The following ZNF91 variants were observed in gnomAD, a reference collection of about 807,000 sequenced individuals.
ZNF91 encodes the protein zinc finger protein 91 (HPF7, HTF10).
Under a neutral mutation model 12.6 loss-of-function variants are expected in ZNF91, and 7 were observed. The observed-to-expected ratio is 0.55, with a 90% CI of 0.31 to 1.04. ZNF91 has a LOEUF of 1.04. ZNF91 is among the 50% of genes least tolerant of loss of function. The pLI is 0.05. For synonymous variants in ZNF91, 453 were observed against 462.6 expected (o/e 0.98, Z 0.27); for missense variants, 1,217 against 1,385.4 (o/e 0.88, Z 1.93).
intron 3 of ZNF91, among the ~76,000 whole-genome samples, chr19:23,372,808 A>G (rs932884230): frequency 6.6e-6 from 1 of 152,220 alleles, no homozygotes; most frequent in African/African-American, 2.4e-5. Context: ...GGTTCTGCCT[A>G]TGTAGAAACC....
chr19:23,337,557 T>C (rs946361488), downstream of ZNF91, among the ~76,000 whole-genome samples: 2 of 149,332 alleles, frequency 1.3e-5, no homozygotes, highest in African/African-American at 4.9e-5. Flanking sequence ...GAAATCAATA[T>C]AAAGACACAT....
At chr19:23,324,188 C>T (rs1159071120) in intron 1 of ZNF91, 1 of 151,296 alleles carries the variant, frequency 6.6e-6, no homozygotes, top group African/African-American at 2.4e-5. Flanking sequence ...CCTTTTTTCT[C>T]CCTACTTCCT....
Position 23,360,433 on chromosome 19 carries a change from G to T in ZNF91, c.2546C>A (p.Ala849Asp). Residue 849 changes from alanine to aspartate, a missense_variant, in exon 4 of 4, where the codon GCT (alanine) becomes GAT (aspartate). Around this residue, in one of 2 missense-constraint regions of ZNF91, gnomAD observed 491 missense variants for 489.8 expected, o/e 1.00. Coordinates refer to ENST00000300619, the MANE Select transcript of ZNF91 (RefSeq NM_003430.4). Reference sequence around the variant, plus strand: ...CTCACATTTGTAGAGTTTCTCTCCAGCATGTATTATTTTATGTTTAGCAAG... The same window carrying T: ...CTCACATTTGTAGAGTTTCTCTCCATCATGTATTATTTTATGTTTAGCAAG... ...SALAKHKIIH[A>D]GEKLYKCEEC... 1 of 1,613,954 alleles carries T rather than the reference G, an allele frequency of 6.2e-7. No individual in the cohort carries two copies. Among genetic ancestry groups the T allele is most frequent in the East Asian group, 2.2e-5 (1 of 44,836 alleles).
At chr19:23,347,116 C>T (rs1180402456) in intron 3 of ZNF91, among the ~76,000 whole-genome samples, 17 of 151,928 alleles carry the variant, frequency 1.1e-4, no homozygotes, top group Admixed American at 1.1e-3. Context: ...TAGTGTCACC[C>T]CCCCTACACA....
At chr19:23,316,019 C>A (rs972972343) in intron 1 of ZNF91, among the ~76,000 whole-genome samples, 1 of 152,010 alleles carries the variant, frequency 6.6e-6, no homozygotes, top group East Asian at 1.9e-4. Context: ...GTAGGTGATG[C>A]GACTCTTCTG....
intron 1 of ZNF91, chr19:23,384,754 G>A (rs1969820651): frequency 1.6e-6 from 1 of 629,220 alleles, no homozygotes; most frequent in South Asian, 1.8e-5. Context: ...AGCACACCTG[G>A]GTCAGCTCCC....
intron 3 of ZNF91, among the ~76,000 whole-genome samples, chr19:23,345,340 T>C (rs1410598502): frequency 1.3e-5 from 2 of 152,182 alleles, no homozygotes; most frequent in South Asian, 2.1e-4. Context: ...AGTCAAGATA[T>C]CCGTGCCTTG....
intron 1 of ZNF91, among the ~76,000 whole-genome samples, chr19:23,391,527 T>G (rs952070427): frequency 6.6e-6 from 1 of 152,202 alleles, no homozygotes; most frequent in Non-Finnish European, 1.5e-5. Context: ...ATCTTTGCAA[T>G]CTTTAAAAAT....
intron 3 of ZNF91, among the ~76,000 whole-genome samples, chr19:23,363,398 G>A (rs1298778004): frequency 6.6e-6 from 1 of 152,196 alleles, no homozygotes; most frequent in Non-Finnish European, 1.5e-5. Flanking sequence ...CAGAGAGACT[G>A]CAGTACCACA....
At chr19:23,355,046 T>C (rs1238450744), downstream of ZNF91, among the ~76,000 whole-genome samples, 1 of 152,286 alleles carries the variant, frequency 6.6e-6, no homozygotes. Flanking sequence ...AAAAGCAATC[T>C]ATAAATTCAA....
chr19:23,336,503 G>C (rs549699383), downstream of ZNF91, among the ~76,000 whole-genome samples: 6 of 152,134 alleles, frequency 3.9e-5, no homozygotes, highest in East Asian at 1.9e-4. Context: ...TTGCCTGTTC[G>C]TTACTCTACA....
intron 3 of ZNF91, among the ~76,000 whole-genome samples, chr19:23,346,178 CTTATA>C (rs1378885923): frequency 6.6e-6 from 1 of 152,100 alleles, no homozygotes; most frequent in African/African-American, 2.4e-5. Flanking sequence ...GACCCTACCT[CTTATA>C]TTAGAGTTTC....
Position 23,357,928 on chromosome 19 carries a change from A to G in ZNF91, c.*1475T>C, listed in dbSNP as rs1968535543. Reference sequence around the variant, plus strand: ...CACATATGGCATAATATGTACACATATTAGGTATCCACAAAAATTAAGTCA... The same window carrying G: ...CACATATGGCATAATATGTACACATGTTAGGTATCCACAAAAATTAAGTCA... On this transcript the variant is annotated 3_prime_UTR_variant, in exon 4 of 4. Transcript: ENST00000300619. The G allele has an allele frequency of 6.6e-6, 1 of 152,202 alleles. No homozygotes were observed. The highest frequency in any genetic ancestry group is 1.9e-4 in the East Asian group (1 of 5,202). The allele number at this position is 152,202 out of a possible 1,614,324, so 9.4% of individuals were successfully genotyped here.
In ZNF91 at chr19:23,387,433, A is replaced by G. The variant is rs892704736; in HGVS notation, c.30+7892T>C. Among the ~76,000 whole-genome samples the G allele has an allele frequency of 2.6e-5, 4 of 152,242 alleles. 1 individual carries two copies. The highest frequency in any genetic ancestry group is 2.0e-4 in the Admixed American group (3 of 15,284). On this transcript the variant is annotated intron_variant, in intron 1 of 3. Coordinates refer to ENST00000300619, the MANE Select transcript of ZNF91 (RefSeq NM_003430.4). ...GTAGACTGAATAAAGAAAATATGGT[A>G]TGATCAGGCACAATGGCTCATGCCT...
chr19:23,359,968 C>T lies in ZNF91; in HGVS notation c.3011G>A (p.Ser1004Asn). ...ATGTCTAGTTAGGGTTGAGGATTGGCTAAATGCTTTGCCACATTCTTCACA... is the reference window on the plus strand; with the variant it reads ...ATGTCTAGTTAGGGTTGAGGATTGGTTAAATGCTTTGCCACATTCTTCACA... ...YKCEECGKAFSQSSTLTRHTR... is the reference protein window; with the variant it reads ...YKCEECGKAFNQSSTLTRHTR... Residue 1004 changes from serine to asparagine, a missense_variant, in exon 4 of 4, where the codon AGC becomes AAC. Coordinates refer to ENST00000300619, the MANE Select transcript of ZNF91 (RefSeq NM_003430.4). 6.2e-7 allele frequency: 1 copy of T among 1,608,916 alleles called. No individual in the cohort carries two copies.
Position 23,359,193 on chromosome 19 carries a change from A to T in ZNF91, c.*210T>A. 1 of 492,724 alleles carries T rather than the reference A, an allele frequency of 2.0e-6. No homozygotes were observed. The highest frequency in any genetic ancestry group is 3.7e-6 in the Non-Finnish European group (1 of 268,980). 30.5% of individuals were successfully genotyped at this position (492,724 alleles called of 1,614,324 possible). ...GGTTAAAAGATTTGCCACATTCTTT[A>T]TATTTGTAGGGTTTCTCTCTAGTAT... On this transcript the variant is annotated 3_prime_UTR_variant, in exon 4 of 4. Coordinates refer to ENST00000300619, the MANE Select transcript of ZNF91 (RefSeq NM_003430.4).
chr19:23,321,868 A>C (rs1967703740), intron 1 of ZNF91, among the ~76,000 whole-genome samples: 1 of 152,068 alleles, frequency 6.6e-6, no homozygotes. Flanking sequence ...ATAGTGGCTT[A>C]TCCCTGGGCC....
At chr19:23,371,276 G>A (rs1315857678) in intron 3 of ZNF91, among the ~76,000 whole-genome samples, 1 of 152,100 alleles carries the variant, frequency 6.6e-6, no homozygotes, top group Non-Finnish European at 1.5e-5. Context: ...AATCTGGGAG[G>A]TGGAGGTTGC....
intron 1 of ZNF91, among the ~76,000 whole-genome samples, chr19:23,323,670 TCTCCTC>T (rs200409359): frequency 7.8e-6 from 1 of 128,306 alleles, no homozygotes; most frequent in African/African-American, 3.1e-5. Context: ...TTTCCTCTTC[TCTCCTC>T]CTCCTCTACT....
Sources: gnomAD v4.1 joint callset for allele counts (sites outside exome capture counted in the v4.1 genomes callset) on GRCh38, gnomAD v4.1.1 for gene constraint, gnomAD v4.1.1 regional missense constraint, MANE v1.5 for transcripts, NCBI Gene and HGNC (gene_info 2026-07-23, HGNC 2026-07-21) for gene names.